Variants in RBFOX1 observed in about 807,000 individuals in gnomAD.
RBFOX1 encodes the protein RNA binding protein fox-1 homolog 1.
A neutral mutation model predicts 57.7 loss-of-function variants in RBFOX1; 8 were observed. The ratio of observed to expected loss-of-function variants is 0.14; its 90% CI spans 0.08 to 0.25. The LOEUF (loss-of-function observed/expected upper bound fraction) is 0.25, where lower values mean the gene tolerates loss of function less well. Among genes scored for constraint, RBFOX1 ranks in the 10% least tolerant of loss-of-function variants. The pLI, the probability that RBFOX1 is intolerant of heterozygous loss-of-function variation, is 1.00. For synonymous variants in RBFOX1, 326 were observed against 222.4 expected (o/e 1.47, Z -4.15); for missense variants, 611 against 548.5 (o/e 1.11, Z -1.14).
At chr16:7,710,151 T>G in intron 15 of RBFOX1, 1 of 1,024,204 alleles carries the variant, frequency 9.8e-7, no homozygotes. Context: ...CTTCTCAAGA[T>G]CAGATTCCAT....
chr16:7,159,318 C>G (rs528037340), intron 4 of RBFOX1, among the ~76,000 whole-genome samples: 1 of 152,212 alleles, frequency 6.6e-6, no homozygotes, highest in Non-Finnish European at 1.5e-5. Context: ...TCATGCCTAT[C>G]CCAGAGACAG....
intron 2 of RBFOX1, among the ~76,000 whole-genome samples, chr16:6,330,798 A>T (rs986470230): frequency 6.6e-6 from 1 of 152,224 alleles, no homozygotes; most frequent in Non-Finnish European, 1.5e-5. Flanking sequence ...ATAAGAATGT[A>T]TGCAGTGTGT....
At chr16:7,062,074 T>A (rs551214177) in intron 4 of RBFOX1, among the ~76,000 whole-genome samples, 8 of 151,764 alleles carry the variant, frequency 5.3e-5, no homozygotes, top group African/African-American at 1.4e-4. Context: ...TCCCAGCACT[T>A]TGGGAGGCTG....
At chr16:6,108,820 C>T (rs1046654434) in intron 1 of RBFOX1, among the ~76,000 whole-genome samples, 4 of 152,120 alleles carry the variant, frequency 2.6e-5, no homozygotes, top group Non-Finnish European at 5.9e-5. Flanking sequence ...CTTCACATCA[C>T]CTTTTCCTCT....
chr16:5,787,598 G>A (rs955080006), intron 3 of RBFOX1, among the ~76,000 whole-genome samples: 1 of 152,218 alleles, frequency 6.6e-6, no homozygotes, highest in Non-Finnish European at 1.5e-5. Flanking sequence ...GTAAGTATAT[G>A]TGAATGCTGA....
At chr16:7,133,001 A>C (rs2151999014) in intron 4 of RBFOX1, among the ~76,000 whole-genome samples, 1 of 152,300 alleles carries the variant, frequency 6.6e-6, no homozygotes, top group African/African-American at 2.4e-5. Context: ...CAGGAAATAA[A>C]CCAGAAAATA....
intron 5 of RBFOX1, among the ~76,000 whole-genome samples, chr16:7,555,750 C>G (rs902130425): frequency 1.3e-5 from 2 of 152,180 alleles, no homozygotes; most frequent in Admixed American, 1.3e-4. Context: ...CTGTGGCCCA[C>G]TCTTCTTTGT....
chr16:5,402,010 G>A lies in RBFOX1; in HGVS notation c.220-65206G>A, dbSNP rs546250403. ...AACTGGATAATTCAAAGAGAGTTTA[G>A]TAAATGACCTATTTCCAGGGTGTGG... On this transcript the variant is annotated intron_variant, in intron 1 of 2. Coordinates refer to the RBFOX1 transcript ENST00000585867. 2.6e-5 allele frequency among the ~76,000 whole-genome samples: 4 copies of A among 152,312 alleles called. No homozygotes were observed. The South Asian group carries it at 8.3e-4, about 32-fold the overall frequency.
rs372964733 is a variant in RBFOX1 at position 7,143,437 on chromosome 16, A to C, written c.27+91339A>C. ...TTCTTTATTAGTCAATTTAAAATAAAATGTGCCTCAGTAATTTAGAATCTG... is the reference window on the plus strand; with the variant it reads ...TTCTTTATTAGTCAATTTAAAATAACATGTGCCTCAGTAATTTAGAATCTG... On this transcript the variant is annotated intron_variant, in intron 4 of 15. Transcript: ENST00000550418. Among the ~76,000 whole-genome samples, 60 of 152,244 alleles carry C rather than the reference A, an allele frequency of 3.9e-4. No homozygotes were observed. The East Asian group carries it at 4.2e-3, about 11-fold the overall frequency.
At chr16:6,891,772 A>G (rs2065483871) in intron 3 of RBFOX1, among the ~76,000 whole-genome samples, 1 of 152,184 alleles carries the variant, frequency 6.6e-6, no homozygotes, top group South Asian at 2.1e-4. Context: ...CCAATGTCTC[A>G]TCAAATTCCT....
chr16:5,873,756 T>C (rs1038753457), intron 4 of RBFOX1, among the ~76,000 whole-genome samples: 11 of 152,180 alleles, frequency 7.2e-5, no homozygotes, highest in Non-Finnish European at 5.9e-5. Context: ...GCTTCCTACA[T>C]ATTTGGTAAG....
At chr16:7,365,006 G>A (rs1163212466) in intron 4 of RBFOX1, among the ~76,000 whole-genome samples, 5 of 151,632 alleles carry the variant, frequency 3.3e-5, no homozygotes, top group South Asian at 2.1e-4. Flanking sequence ...GAATCTATCT[G>A]TCTGTCTGTC....
chr16:6,628,274 T>C (rs1447423644), intron 2 of RBFOX1, among the ~76,000 whole-genome samples: 2 of 152,206 alleles, frequency 1.3e-5, no homozygotes, highest in African/African-American at 4.8e-5. Flanking sequence ...TTGCTCAAAA[T>C]TTGACTGCTT....
chr16:6,741,758 C>T (rs2072219847), intron 3 of RBFOX1, among the ~76,000 whole-genome samples: 1 of 151,706 alleles, frequency 6.6e-6, no homozygotes, highest in East Asian at 1.9e-4. Context: ...AAAATACTTG[C>T]AAATTTCATA....
At chr16:6,061,274 C>T (rs1342690752) in intron 1 of RBFOX1, among the ~76,000 whole-genome samples, 1 of 152,010 alleles carries the variant, frequency 6.6e-6, no homozygotes, top group Non-Finnish European at 1.5e-5. Flanking sequence ...ACATATATGC[C>T]CAAATAACTA....
Position 7,710,778 on chromosome 16 carries a change from G to A in RBFOX1, c.*33G>A. On this transcript the variant is annotated 3_prime_UTR_variant, in exon 16 of 16. Coordinates refer to ENST00000550418, the MANE Select transcript of RBFOX1 (RefSeq NM_018723.4). ...AACCATAAAAACCTTCCAATGTGGGGAGAAAGGAAGCTTTCCGAGGCCTGA... is the reference window on the plus strand; with the variant it reads ...AACCATAAAAACCTTCCAATGTGGGAAGAAAGGAAGCTTTCCGAGGCCTGA... 6 of 1,502,808 alleles carry A rather than the reference G, an allele frequency of 4.0e-6. No individual in the cohort carries two copies. The highest frequency in any genetic ancestry group is 5.3e-6 in the Non-Finnish European group (6 of 1,121,616). 93.1% of individuals were successfully genotyped at this position (1,502,808 alleles called of 1,614,324 possible).
At position 7,029,172 on chromosome 16, in the gene RBFOX1, ACGTATACG is replaced by A. The variant is rs1425796633; in HGVS notation, c.-15-22884_-15-22877del. On this transcript the variant is annotated intron_variant, in intron 3 of 15. Transcript: ENST00000550418. ...TATGTATATATATACACATATATAT[ACGTATACG>A]TGTATATATACACATATGTATACGT... is the stretch of plus-strand genomic sequence containing the variant. 4.0e-4 allele frequency among the ~76,000 whole-genome samples: 27 copies of A among 66,674 alleles called. 6 individuals carry two copies. The highest frequency in any genetic ancestry group is 9.4e-4 in the African/African-American group (26 of 27,550). The allele number at this position is 66,674 out of a possible 152,430, so 43.7% of individuals were successfully genotyped here. A position where few individuals can be genotyped will look rare whatever the true frequency, so the allele number is the denominator to read the frequency against.
In RBFOX1 at chr16:6,364,793, C is replaced by G. The variant is rs145545967; in HGVS notation, c.-64+47736C>G. 9.2e-5 allele frequency among the ~76,000 whole-genome samples: 14 copies of G among 152,230 alleles called. No homozygotes were observed. The East Asian group carries it at 2.7e-3, about 29-fold the overall frequency. ...ATACCTTGTGGGTGGAAAAGTTGAC[C>G]TTTTGTTTCCCTCTGCCTGGTTGGC... On this transcript the variant is annotated intron_variant, in intron 2 of 15. Transcript: ENST00000550418.
At chr16:6,317,454 A>T (rs1314245879) in intron 2 of RBFOX1, among the ~76,000 whole-genome samples, 1 of 152,072 alleles carries the variant, frequency 6.6e-6, no homozygotes, top group Non-Finnish European at 1.5e-5. Context: ...CAGATCAGTT[A>T]CCGAGAGCAT....
Sources: allele counts gnomAD v4.1 joint callset (sites outside exome capture counted in the v4.1 genomes callset), GRCh38; gene constraint gnomAD v4.1.1; transcripts MANE v1.5; gene names NCBI Gene and HGNC (gene_info 2026-07-23, HGNC 2026-07-21).